The following CSNK1G2 variants were observed in gnomAD, a reference collection of about 807,000 sequenced individuals.
CSNK1G2 encodes the protein casein kinase 1 gamma 2, also known as casein kinase I isoform gamma-2.
A neutral mutation model predicts 48.0 loss-of-function variants in CSNK1G2; 11 were observed. The ratio of observed to expected loss-of-function variants is 0.23; its 90% CI spans 0.14 to 0.38. The LOEUF is 0.38. Ranked by LOEUF, CSNK1G2 falls within the 10% of genes least tolerant of loss-of-function variation. CSNK1G2 has a pLI of 1.00. For synonymous variants in CSNK1G2, 337 were observed against 254.1 expected (o/e 1.33, Z -3.10); for missense variants, 446 against 595.5 (o/e 0.75, Z 2.61).
intron 2 of CSNK1G2, among the ~76,000 whole-genome samples, chr19:1,972,871 G>C (rs1243468417): frequency 6.6e-6 from 1 of 151,460 alleles, no homozygotes. Context: ...TGATCCACCT[G>C]CCTCGGCCTC....
Position 1,978,531 on chromosome 19 carries a change from T to TGGGGCGGGGGCTGCGCA in CSNK1G2, c.298+26_298+42dup. ...CCACAGGTACCGGGCGGCCCGCGGG[T>TGGGGCGGGGGCTGCGCA]GGGGCGGGGGCTGCGCAGGGGCAGG... On this transcript the variant is annotated intron_variant, in intron 4 of 11. Transcript: ENST00000255641. The surrounding 1 kb of genome is among the most constrained non-coding windows in gnomAD (Gnocchi z 7.3). 1 of 1,568,256 alleles carries TGGGGCGGGGGCTGCGCA rather than the reference T, an allele frequency of 6.4e-7. No homozygotes were observed. The highest frequency in any genetic ancestry group is 8.6e-7 in the Non-Finnish European group (1 of 1,158,436).
chr19:1,954,017 G>A (rs1238970306), intron 1 of CSNK1G2: 2 of 532,766 alleles, frequency 3.8e-6, no homozygotes, highest in Non-Finnish European at 3.9e-6. Flanking sequence ...GCAGTGCTCC[G>A]AGGACCGGCC....
chr19:1,975,058 A>G (rs1241906150), intron 2 of CSNK1G2: 1 of 985,272 alleles, frequency 1.0e-6, no homozygotes, highest in Non-Finnish European at 1.2e-6. Context: ...CAGGTCTCTG[A>G]CACGCCAGCC....
chr19:1,950,688 C>T lies in CSNK1G2; in HGVS notation c.-266+9270C>T, dbSNP rs371768500. On this transcript the variant is annotated intron_variant, in intron 1 of 11. Transcript: ENST00000255641. ...GGCTGGCCCGGCCTAAATCTGCTGC[C>T]GCCCACCGAACACCAAGGCACCTTC... is the stretch of plus-strand genomic sequence containing the variant. 8.9e-5 allele frequency among the ~76,000 whole-genome samples: 13 copies of T among 145,570 alleles called. 4 individuals carry two copies. The highest frequency in any genetic ancestry group is 4.1e-4 in the Admixed American group (6 of 14,566).
At chr19:1,960,185 G>A (rs552338935) in intron 1 of CSNK1G2, among the ~76,000 whole-genome samples, 3 of 152,338 alleles carry the variant, frequency 2.0e-5, no homozygotes, top group Admixed American at 2.0e-4. Context: ...AAGGCGTCCT[G>A]CTTAGGAGAT....
chr19:1,963,079 C>T (rs191799842), intron 1 of CSNK1G2, among the ~76,000 whole-genome samples: 2 of 152,092 alleles, frequency 1.3e-5, no homozygotes, highest in Non-Finnish European at 2.9e-5. Flanking sequence ...CAATGAGACA[C>T]GCCAGACACA....
chr19:1,943,026 C>G (rs934845275), intron 1 of CSNK1G2, among the ~76,000 whole-genome samples: 1 of 152,102 alleles, frequency 6.6e-6, no homozygotes, highest in South Asian at 2.1e-4. Flanking sequence ...CCTGCACAGA[C>G]GAGAGGGAAC....
At position 1,975,857 on chromosome 19, in the gene CSNK1G2, G is replaced by A. The variant is rs1016532220; in HGVS notation, c.188-2448G>A. On this transcript the variant is annotated intron_variant, in intron 2 of 11. Transcript: ENST00000255641. ...TCGAGACCAGCCTGGACAACATGGA[G>A]AAAGCCCATCTCTAGTAAAAATACA... 5.6e-5 allele frequency: 46 copies of A among 819,220 alleles called. No individual in the cohort carries two copies. The Middle Eastern group carries it at 2.5e-3, about 44-fold the overall frequency. The allele number at this position is 819,220 out of a possible 1,614,324, so 50.7% of individuals were successfully genotyped here.
intron 2 of CSNK1G2, among the ~76,000 whole-genome samples, chr19:1,977,581 C>G (rs985731334): frequency 6.6e-6 from 1 of 152,016 alleles, no homozygotes; most frequent in African/African-American, 2.4e-5. Context: ...GGAGAAACCC[C>G]GTCTCTACTA....
chr19:1,947,362 C>T (rs544084340), intron 1 of CSNK1G2, among the ~76,000 whole-genome samples: 26 of 152,314 alleles, frequency 1.7e-4, no homozygotes, highest in African/African-American at 6.3e-4. Context: ...CTCATGTAAT[C>T]TGCGGTGACC....
At chr19:1,965,942 G>A (rs550465907) in intron 1 of CSNK1G2, among the ~76,000 whole-genome samples, 6 of 152,268 alleles carry the variant, frequency 3.9e-5, no homozygotes, top group African/African-American at 1.4e-4. Context: ...GACCACAGGT[G>A]CGCACCGCCA....
In CSNK1G2 at chr19:1,978,578, C is replaced by T; in HGVS notation, c.299-24C>T. The T allele has an allele frequency of 6.3e-7, 1 of 1,578,660 alleles. No individual in the cohort carries two copies. Among genetic ancestry groups the T allele is most frequent in the South Asian group, 1.1e-5 (1 of 87,356 alleles). On this transcript the variant is annotated intron_variant, in intron 4 of 11. Transcript: ENST00000255641. This position sits in a 1 kb window ranked among gnomAD's most constrained non-coding sequence, Gnocchi z 7.3. ...CAGGGAGGGGGCTGCCGCCGCACGC[C>T]CGTGCGTCTGTCCTCCGCCGCAGAG...
chr19:1,943,913 T>G (rs1389029895), intron 1 of CSNK1G2, among the ~76,000 whole-genome samples: 1 of 152,080 alleles, frequency 6.6e-6, no homozygotes, highest in Non-Finnish European at 1.5e-5. Flanking sequence ...GGCAGCGCTG[T>G]GGGTGCTGTT....
chr19:1,972,397 C>T (rs1490008716), intron 2 of CSNK1G2, among the ~76,000 whole-genome samples: 1 of 152,064 alleles, frequency 6.6e-6, no homozygotes, highest in Non-Finnish European at 1.5e-5. Flanking sequence ...AATGTTGTTC[C>T]GTTGTCTAGA....
At chr19:1,963,250 T>G (rs1036746756) in intron 1 of CSNK1G2, among the ~76,000 whole-genome samples, 3 of 152,092 alleles carry the variant, frequency 2.0e-5, no homozygotes, top group African/African-American at 7.2e-5. Context: ...TTTTGTTTGT[T>G]TTTGTTTTGT....
At chr19:1,967,758 C>CGAGGCTCCTTG in intron 1 of CSNK1G2, among the ~76,000 whole-genome samples, 1 of 85,968 alleles carries the variant, frequency 1.2e-5, no homozygotes, top group African/African-American at 7.0e-5. Context: ...CAGGCTGCCC[C>CGAGGCTCCTTG]CGACCACCCT....
At chr19:1,941,832 C>G (rs1458768979) in intron 1 of CSNK1G2, among the ~76,000 whole-genome samples, 2 of 150,112 alleles carry the variant, frequency 1.3e-5, no homozygotes, top group East Asian at 2.0e-4. Context: ...CTCCTGCCCT[C>G]CGCTGAGCCT....
chr19:1,972,608 AGCTTT>A (rs1287794637), intron 2 of CSNK1G2, among the ~76,000 whole-genome samples: 1 of 152,010 alleles, frequency 6.6e-6, no homozygotes, highest in Non-Finnish European at 1.5e-5. Flanking sequence ...TTTCCATCTC[AGCTTT>A]GCTTTGCTTT....
At chr19:1,973,094 AT>A (rs2015629735) in intron 2 of CSNK1G2, among the ~76,000 whole-genome samples, 1 of 149,882 alleles carries the variant, frequency 6.7e-6, no homozygotes, top group Non-Finnish European at 1.5e-5. Context: ...CACCCAGCTA[AT>A]TTTTTGTATT....
Sources: gnomAD v4.1 joint callset for allele counts (sites outside exome capture counted in the v4.1 genomes callset) on GRCh38, gnomAD v4.1.1 for gene constraint, Gnocchi (gnomAD v3.1) non-coding constraint, MANE v1.5 for transcripts, NCBI Gene and HGNC (gene_info 2026-07-23, HGNC 2026-07-21) for gene names.